HLX: variants seen among roughly 807,000 people sequenced by gnomAD.
The protein encoded by HLX is H2.0 like homeobox, also known as H2.0-like homeobox protein.
Under a neutral mutation model 27.7 loss-of-function variants are expected in HLX, and 6 were observed. That is an observed-to-expected ratio of 0.22 (90% CI 0.12 to 0.43). The LOEUF (loss-of-function observed/expected upper bound fraction) is 0.43. Ranked by LOEUF, HLX falls within the 20% of genes least tolerant of loss-of-function variation. HLX has a pLI of 1.00. For missense variants in HLX, 666 were observed against 655.2 expected, an observed-to-expected ratio of 1.02 and a Z score of -0.18; for synonymous variants, 328 against 293.8, an observed-to-expected ratio of 1.12 and a Z score of -1.19.
Position 220,884,184 on chromosome 1 carries a change from GC to G in HLX, c.958-10del. The G allele has an allele frequency of 6.2e-7, 1 of 1,613,846 alleles. No homozygotes were observed. The highest frequency in any genetic ancestry group is 8.5e-7 in the Non-Finnish European group (1 of 1,179,924). On this transcript the variant is annotated splice_polypyrimidine_tract_variant and intron_variant, in intron 3 of 3. Transcript: ENST00000366903. This position sits in a 1 kb window ranked among gnomAD's most constrained non-coding sequence, Gnocchi z 4.9. ...GTGTCTCTTCTTGTCTCCCGGTGTG[GC>G]GCGGCGCAGGTGAAGGTGTGGTTCC... is the stretch of plus-strand genomic sequence containing the variant.
intron 1 of HLX, 67 bp from the exon 2 acceptor site, chr1:220,881,127 G>A (rs1168516136): frequency 1.3e-5 from 18 of 1,392,050 alleles, no homozygotes; most frequent in Non-Finnish European, 1.8e-5. Flanking sequence ...GGAAGGGGAG[G>A]AACAAATCAG....
rs1387822475 is a variant in HLX at position 220,881,261 on chromosome 1, C to T, written c.660C>T (p.Ala220=). Residue 220 remains alanine (A), a synonymous_variant, in exon 2 of 4, where the codon GCC becomes GCT. Transcript: ENST00000366903. ...ACCTCTCAGGCCTGCAGCCCTCGGC[C>T]GGCCAGTTCTTCGCATCTCTAGATC... is the stretch of plus-strand genomic sequence containing the variant. ...GVHLSGLQPS[A]GQFFASLDPI... 1.2e-6 allele frequency: 2 copies of T among 1,614,078 alleles called. No homozygotes were observed. Among genetic ancestry groups the T allele is most frequent in the Admixed American group, 1.7e-5 (1 of 60,032 alleles).
rs771863466 is a variant in HLX at position 220,880,306 on chromosome 1, C to G, written c.449C>G (p.Pro150Arg). ...CCCCGGGCTGGCGCCCTGCAGCCCC[C>G]GGCCTCGGGGACGCGAGTGGTTCCG... ...PPPRAGALQP[P>R]ASGTRVVPNP... The change falls in exon 1 of 4, where the codon CCG becomes CGG. Residue 150 changes from proline (P) to arginine (R), a missense_variant. Transcript: ENST00000366903. The G allele has an allele frequency of 6.2e-7, 1 of 1,613,444 alleles. No homozygotes were observed. The highest frequency in any genetic ancestry group is 1.1e-5 in the South Asian group (1 of 91,050).
chr1:220,879,777 C>T lies in HLX; in HGVS notation c.-81C>T. On this transcript the variant is annotated 5_prime_UTR_variant, in exon 1 of 4. Transcript: ENST00000366903. ...CGTCCTCGGCTGCCGCCGCCTTCTC[C>T]GGGACTCGCGCGCCCCTCCCCGCGC... 1 of 1,463,164 alleles carries T rather than the reference C, an allele frequency of 6.8e-7. No individual in the cohort carries two copies. Among genetic ancestry groups the T allele is most frequent in the East Asian group, 2.6e-5 (1 of 37,966 alleles). 90.6% of individuals were successfully genotyped at this position (1,463,164 alleles called of 1,614,324 possible).
Position 220,879,498 on chromosome 1 carries a change from G to T in HLX, c.-360G>T. The T allele has an allele frequency of 3.5e-6, 1 of 283,420 alleles. No homozygotes were observed. The highest frequency in any genetic ancestry group is 6.6e-6 in the Non-Finnish European group (1 of 152,530). 17.6% of individuals were successfully genotyped at this position (283,420 alleles called of 1,614,324 possible). A position where few individuals can be genotyped will look rare whatever the true frequency, so the allele number is the denominator to read the frequency against. On this transcript the variant is annotated 5_prime_UTR_variant, in exon 1 of 4. Coordinates refer to ENST00000366903, the MANE Select transcript of HLX (RefSeq NM_021958.4). Reference sequence around the variant, plus strand: ...TATTATTGTTGTTGTTTTAAATTTAGCTCTTAGGGCTTAGCTATTTGGGTT... The same window carrying T: ...TATTATTGTTGTTGTTTTAAATTTATCTCTTAGGGCTTAGCTATTTGGGTT...
Position 220,879,810 on chromosome 1 carries a change from C to A in HLX, c.-48C>A. On this transcript the variant is annotated 5_prime_UTR_variant, in exon 1 of 4. Coordinates refer to ENST00000366903, the MANE Select transcript of HLX (RefSeq NM_021958.4). ...GCGCGCCCCTCCCCGCGCGCCCACC[C>A]ACCCAGTCCGGCTGGACTGCGGCAG... is the stretch of plus-strand genomic sequence containing the variant. The A allele has an allele frequency of 6.6e-7, 1 of 1,523,552 alleles. No individual in the cohort carries two copies. Among genetic ancestry groups the A allele is most frequent in the South Asian group, 1.2e-5 (1 of 82,888 alleles). 94.4% of individuals were successfully genotyped at this position (1,523,552 alleles called of 1,614,324 possible). A position where few individuals can be genotyped will look rare whatever the true frequency, so the allele number is the denominator to read the frequency against.
At chr1:220,880,881 G>T in intron 1 of HLX, 1 of 437,274 alleles carries the variant, frequency 2.3e-6, no homozygotes. Context: ...CGGGCAGAGT[G>T]GGGCCACCTT....
In HLX at chr1:220,884,147, G is replaced by A; in HGVS notation, c.958-48G>A. 6.3e-7 allele frequency: 1 copy of A among 1,596,704 alleles called. No individual in the cohort carries two copies. The highest frequency in any genetic ancestry group is 1.1e-5 in the South Asian group (1 of 90,396). On this transcript the variant is annotated intron_variant, in intron 3 of 3. Transcript: ENST00000366903. The surrounding 1 kb of genome is among the most constrained non-coding windows in gnomAD (Gnocchi z 4.9). Reference sequence around the variant, plus strand: ...CGCGAGTCGGATAGGAGCAAACCTGGGTCTCATCTCGGTGTCTCTTCTTGT... The same window carrying A: ...CGCGAGTCGGATAGGAGCAAACCTGAGTCTCATCTCGGTGTCTCTTCTTGT...
In HLX at chr1:220,879,588, C is replaced by A. The variant is rs1185736628; in HGVS notation, c.-270C>A. 2.4e-5 allele frequency: 12 copies of A among 504,624 alleles called. No individual in the cohort carries two copies. Among genetic ancestry groups the A allele is most frequent in the Admixed American group, 1.3e-4 (3 of 23,238 alleles). 31.3% of individuals were successfully genotyped at this position (504,624 alleles called of 1,614,324 possible). On this transcript the variant is annotated 5_prime_UTR_variant, in exon 1 of 4. Coordinates refer to ENST00000366903, the MANE Select transcript of HLX (RefSeq NM_021958.4). ...CCCGCCCTGCGGCCCCAGCGCCCCT[C>A]GCTCTCATCCAGCCCGCGAGGAGTG...
chr1:220,880,280 G>T lies in HLX; in HGVS notation c.423G>T (p.Pro141=). The T allele has an allele frequency of 6.2e-7, 1 of 1,605,372 alleles. No individual in the cohort carries two copies. The highest frequency in any genetic ancestry group is 8.5e-7 in the Non-Finnish European group (1 of 1,178,938). The change falls in exon 1 of 4, where the codon CCG becomes CCT. Residue 141 remains proline (P), a synonymous_variant. Transcript: ENST00000366903. ...CGCAGCAGCAACAGCCTCCGCCTCC[G>T]CCCCGGGCTGGCGCCCTGCAGCCCC... ...QQPQQQQPPP[P]PRAGALQPPA...
In HLX at chr1:220,880,418, C is replaced by T. The variant is rs1326375338; in HGVS notation, c.561C>T (p.Asp187=). 6 of 1,613,888 alleles carry T rather than the reference C, an allele frequency of 3.7e-6. No homozygotes were observed. Among genetic ancestry groups the T allele is most frequent in the African/African-American group, 1.3e-5 (1 of 74,930 alleles). ...ACCGCATTTTATCTGCAGAATTTGA[C>T]CCAAAAGTCAAAGAAGGCAACACGC... ...GIDRILSAEF[D]PKVKEGNTLR... Residue 187 remains aspartate (D), a synonymous_variant, in exon 1 of 4, where the codon GAC becomes GAT. Coordinates refer to ENST00000366903, the MANE Select transcript of HLX (RefSeq NM_021958.4).
chr1:220,879,870 G>A lies in HLX; in HGVS notation c.13G>A (p.Gly5Arg), dbSNP rs749568473. MFAA[G>R]LAPFYASNFS... is the part of the protein sequence containing the mutation. The stretch of plus-strand genomic sequence containing the variant: ...TCACCCCGGCAGGATGTTCGCAGCC[G>A]GGCTGGCTCCCTTCTACGCCTCCAA... The change falls in exon 1 of 4, where the codon GGG becomes AGG. Residue 5 changes from glycine (G) to arginine (R), a missense_variant. Gly to Arg is a moderately radical substitution (Grantham distance 125, BLOSUM62 -2). Transcript: ENST00000366903. 10 of 1,582,912 alleles carry A rather than the reference G, an allele frequency of 6.3e-6. No individual in the cohort carries two copies. Among genetic ancestry groups the A allele is most frequent in the South Asian group, 4.5e-5 (4 of 88,746 alleles).
At position 220,884,220 on chromosome 1, in the gene HLX, G is replaced by A; in HGVS notation, c.983G>A (p.Arg328Gln). The change falls in exon 4 of 4, where the codon CGG becomes CAG. Residue 328 changes from arginine (R) to glutamine (Q), a missense_variant. Coordinates refer to ENST00000366903, the MANE Select transcript of HLX (RefSeq NM_021958.4). This position sits in a 1 kb window ranked among gnomAD's most constrained non-coding sequence, Gnocchi z 4.9. Reference sequence around the variant, plus strand: ...GTGAAGGTGTGGTTCCAGAACCGGCGGATGAAGTGGCGGCACTCCAAGGAG... The same window carrying A: ...GTGAAGGTGTGGTTCCAGAACCGGCAGATGAAGTGGCGGCACTCCAAGGAG... Reference protein sequence around the residue: ...AQVKVWFQNRRMKWRHSKEAQ... With the variant: ...AQVKVWFQNRQMKWRHSKEAQ... The A allele has an allele frequency of 6.2e-7, 1 of 1,614,048 alleles. No individual in the cohort carries two copies. The highest frequency in any genetic ancestry group is 8.5e-7 in the Non-Finnish European group (1 of 1,180,028).
intron 2 of HLX, 79 bp downstream of exon 2, chr1:220,881,452 C>A (rs1674435545): frequency 1.7e-6 from 2 of 1,211,036 alleles, no homozygotes; most frequent in South Asian, 2.4e-5. Flanking sequence ...GCCTCCAGGG[C>A]TGCCACGGTG....
rs756876388 is a variant in HLX at position 220,884,586 on chromosome 1, G to T, written c.1349G>T (p.Gly450Val). 1.3e-5 allele frequency: 21 copies of T among 1,607,648 alleles called. No homozygotes were observed. The highest frequency in any genetic ancestry group is 1.7e-5 in the Non-Finnish European group (20 of 1,177,044). ...CTTAGTAGCAGCAGCACCAGTGCGGGTTGCGCCAGCAGCCTTGGCGGCGGC... is the reference window on the plus strand; with the variant it reads ...CTTAGTAGCAGCAGCACCAGTGCGGTTTGCGCCAGCAGCCTTGGCGGCGGC... ...SSLSSSSTSA[G>V]CASSLGGGGA... The change falls in exon 4 of 4, where the codon GGT becomes GTT. Residue 450 changes from glycine (G) to valine (V), a missense_variant. Physicochemically the swap from Gly to Val is moderately radical, Grantham distance 109 (BLOSUM62 -3). Transcript: ENST00000366903. The surrounding 1 kb of genome is among the most constrained non-coding windows in gnomAD (Gnocchi z 4.9).
At position 220,879,542 on chromosome 1, in the gene HLX, C is replaced by A; in HGVS notation, c.-316C>A. Reference sequence around the variant, plus strand: ...TTGGGTTTTCTTGCGGTGTCCGGCTCCCGTCTCCCTGGCTCCCCCGCCCGC... The same window carrying A: ...TTGGGTTTTCTTGCGGTGTCCGGCTACCGTCTCCCTGGCTCCCCCGCCCGC... On this transcript the variant is annotated 5_prime_UTR_variant, in exon 1 of 4. Transcript: ENST00000366903. 2.2e-6 allele frequency: 1 copy of A among 450,118 alleles called. No homozygotes were observed. The highest frequency in any genetic ancestry group is 3.6e-5 in the South Asian group (1 of 27,674). 27.9% of individuals were successfully genotyped at this position (450,118 alleles called of 1,614,324 possible).
In HLX at chr1:220,881,181, C is replaced by T. The variant is rs923402538; in HGVS notation, c.593-13C>T. On this transcript the variant is annotated splice_polypyrimidine_tract_variant and intron_variant, in intron 1 of 3. Coordinates refer to ENST00000366903, the MANE Select transcript of HLX (RefSeq NM_021958.4). ...CCGAGATGTAACCTGCTATCCTTTTCCCTTGTCCCCAGATCTCACTTCCCT... is the reference window on the plus strand; with the variant it reads ...CCGAGATGTAACCTGCTATCCTTTTTCCTTGTCCCCAGATCTCACTTCCCT... 6.2e-7 allele frequency: 1 copy of T among 1,612,290 alleles called. No homozygotes were observed. The highest frequency in any genetic ancestry group is 8.5e-7 in the Non-Finnish European group (1 of 1,178,582).
At chr1:220,881,955 C>A in intron 2 of HLX, 1 of 660,584 alleles carries the variant, frequency 1.5e-6, no homozygotes, top group Non-Finnish European at 2.8e-6. Flanking sequence ...CCACTCCACG[C>A]TCGCTTTAGG....
Position 220,879,932 on chromosome 1 carries a change from C to G in HLX, c.75C>G (p.Ala25=), listed in dbSNP as rs750976342. 4.4e-6 allele frequency: 7 copies of G among 1,597,526 alleles called. No homozygotes were observed. The highest frequency in any genetic ancestry group is 1.3e-5 in the African/African-American group (1 of 74,738). The change falls in exon 1 of 4, where the codon GCC becomes GCG. Residue 25 remains alanine, a synonymous_variant. Transcript: ENST00000366903. ...SLWSAAYCSS[A]GPGGCSFPLD... is the part of the protein sequence containing the mutation. ...GGTCGGCCGCTTACTGCTCCTCGGC[C>G]GGCCCAGGCGGCTGCTCCTTCCCCT...
Sources: allele counts gnomAD v4.1 joint callset, GRCh38; gene constraint gnomAD v4.1.1; non-coding constraint Gnocchi (gnomAD v3.1); transcripts MANE v1.5; gene names NCBI Gene and HGNC (gene_info 2026-07-23, HGNC 2026-07-21).